TAFA1: variants seen among roughly 807,000 people sequenced by gnomAD.
TAFA1 encodes the protein TAFA chemokine like family member 1.
TAFA1 carries 4 observed loss-of-function variants against 18.5 expected under a neutral mutation model. The ratio of observed to expected loss-of-function variants is 0.22; its 90% confidence interval spans 0.11 to 0.49. The LOEUF (loss-of-function observed/expected upper bound fraction) is 0.49. Among genes scored for constraint, TAFA1 ranks in the 20% least tolerant of loss-of-function variants. The pLI, the probability that TAFA1 is intolerant of heterozygous loss-of-function variation, is 0.98. For synonymous variants in TAFA1, 56 were observed against 55.2 expected (o/e 1.01, Z -0.06); for missense variants, 147 against 169.0 (o/e 0.87, Z 0.72).
At chr3:68,159,658 C>A (rs1196028036) in intron 2 of TAFA1, among the ~76,000 whole-genome samples, 1 of 152,152 alleles carries the variant, frequency 6.6e-6, no homozygotes, top group Non-Finnish European at 1.5e-5. Flanking sequence ...GAACTCTCAA[C>A]CACCAGGAGG....
At chr3:68,517,154 A>G (rs2072935373) in intron 3 of TAFA1, among the ~76,000 whole-genome samples, 2 of 152,200 alleles carry the variant, frequency 1.3e-5, no homozygotes, top group Non-Finnish European at 2.9e-5. Context: ...CATGTCTTCA[A>G]CACCTCTCAA....
rs550289878 is a variant in TAFA1 at position 68,124,118 on chromosome 3, C to CT, written c.118+117382dup. ...TCATGTATAGAGAGTTTGAGGGTTT[C>CT]TTTTTTTTATTTGAAGTAAGTTAAT... On this transcript the variant is annotated intron_variant, in intron 2 of 4. Transcript: ENST00000478136. Among the ~76,000 whole-genome samples the CT allele has an allele frequency of 1.6e-4, 25 of 151,906 alleles. No individual in the cohort carries two copies. In the South Asian group the frequency reaches 3.1e-3, roughly 19 times the overall value.
chr3:68,417,642 C>A, intron 3 of TAFA1: 1 of 520,010 alleles, frequency 1.9e-6, no homozygotes, highest in Non-Finnish European at 3.4e-6. Flanking sequence ...ATTTGCTTGC[C>A]ATTGCAGCAT....
chr3:68,440,028 G>A (rs1181141282), intron 3 of TAFA1, among the ~76,000 whole-genome samples: 3 of 145,742 alleles, frequency 2.1e-5, no homozygotes, highest in African/African-American at 5.1e-5. Flanking sequence ...AAATTGATAT[G>A]GTTTAGCTGT....
intron 2 of TAFA1, among the ~76,000 whole-genome samples, chr3:68,258,922 A>G (rs1437623490): frequency 6.6e-6 from 1 of 152,206 alleles, no homozygotes; most frequent in Non-Finnish European, 1.5e-5. Flanking sequence ...GACCCTTGGA[A>G]ATATCAGGTT....
At chr3:67,995,715 T>C in the TAFA1 span, among the ~76,000 whole-genome samples, 1 of 152,120 alleles carries the variant, frequency 6.6e-6, no homozygotes, top group East Asian at 1.9e-4. Context: ...GAAGAAGTGA[T>C]GCAAAAAGCA....
chr3:68,089,279 G>A (rs2065005418), intron 2 of TAFA1, among the ~76,000 whole-genome samples: 1 of 152,122 alleles, frequency 6.6e-6, no homozygotes, highest in Admixed American at 6.5e-5. Flanking sequence ...TAAAATTGAG[G>A]TAATACTTTT....
At chr3:68,359,328 A>G (rs887405074) in intron 2 of TAFA1, among the ~76,000 whole-genome samples, 12 of 152,022 alleles carry the variant, frequency 7.9e-5, no homozygotes, top group Admixed American at 2.6e-4. Context: ...AATCCCTAGC[A>G]CCTATGAATA....
intron 2 of TAFA1, among the ~76,000 whole-genome samples, chr3:68,071,723 C>G (rs139827999): frequency 6.6e-6 from 1 of 152,290 alleles, no homozygotes; most frequent in East Asian, 1.9e-4. Flanking sequence ...TTAATTGGCT[C>G]ATGGTTCTGC....
At chr3:68,499,249 C>A (rs1433128404) in intron 3 of TAFA1, among the ~76,000 whole-genome samples, 1 of 137,610 alleles carries the variant, frequency 7.3e-6, no homozygotes, top group Admixed American at 7.6e-5. Context: ...CATAGAAACT[C>A]TTTATATGTT....
intron 2 of TAFA1, among the ~76,000 whole-genome samples, chr3:68,248,635 C>T (rs1266407466): frequency 2.0e-5 from 3 of 150,956 alleles, no homozygotes; most frequent in Non-Finnish European, 4.4e-5. Context: ...AATGTGTGTT[C>T]AGAGCTGGGG....
chr3:68,114,588 G>A (rs972534321), intron 2 of TAFA1, among the ~76,000 whole-genome samples: 5 of 152,182 alleles, frequency 3.3e-5, no homozygotes, highest in African/African-American at 9.7e-5. Context: ...TGCTAAAAAC[G>A]ATATGAGCAA....
At chr3:68,358,920 G>A (rs551145548) in intron 2 of TAFA1, among the ~76,000 whole-genome samples, 5 of 151,954 alleles carry the variant, frequency 3.3e-5, no homozygotes, top group African/African-American at 1.2e-4. Context: ...CCCACCTAAA[G>A]CAATAATCAT....
intron 2 of TAFA1, among the ~76,000 whole-genome samples, chr3:68,238,119 C>T (rs1164879505): frequency 6.6e-6 from 1 of 152,104 alleles, no homozygotes; most frequent in East Asian, 1.9e-4. Flanking sequence ...GTAATGTTCG[C>T]TTCAGTTGCT....
intron 2 of TAFA1, among the ~76,000 whole-genome samples, chr3:68,165,898 T>G (rs763341831): frequency 6.6e-6 from 1 of 152,250 alleles, no homozygotes; most frequent in Non-Finnish European, 1.5e-5. Flanking sequence ...TTTAGGAATG[T>G]GAATCAAATT....
intron 2 of TAFA1, among the ~76,000 whole-genome samples, chr3:68,301,090 T>C (rs548599248): frequency 1.3e-5 from 2 of 152,326 alleles, no homozygotes; most frequent in South Asian, 4.1e-4. Flanking sequence ...TACATTCACA[T>C]GGTTTTAAAA....
intron 2 of TAFA1, among the ~76,000 whole-genome samples, chr3:68,042,250 C>G (rs1174564728): frequency 5.2e-5 from 2 of 38,246 alleles, no homozygotes. Context: ...TATAGAATTT[C>G]CCCAGTGTTT....
intron 3 of TAFA1, among the ~76,000 whole-genome samples, chr3:68,470,767 G>A (rs901266706): frequency 5.3e-5 from 8 of 152,130 alleles, no homozygotes; most frequent in Admixed American, 2.6e-4. Flanking sequence ...ATAAAAGTTC[G>A]GAAAATTTGC....
intron 3 of TAFA1, among the ~76,000 whole-genome samples, chr3:68,478,999 G>A (rs973423300): frequency 4.7e-5 from 7 of 150,158 alleles, no homozygotes; most frequent in Non-Finnish European, 8.9e-5. Flanking sequence ...TTAGGAGGCC[G>A]AGGCAAGTGG....
Sources: gnomAD v4.1 joint callset for allele counts (sites outside exome capture counted in the v4.1 genomes callset) on GRCh38, gnomAD v4.1.1 for gene constraint, MANE v1.5 for transcripts, NCBI Gene and HGNC (gene_info 2026-07-23, HGNC 2026-07-21) for gene names.